POMT2: variants seen among roughly 807,000 people sequenced by gnomAD.
POMT2 encodes the protein protein O-mannosyl-transferase 2.
A neutral mutation model predicts 100.0 loss-of-function variants in POMT2; 75 were observed. The ratio of observed to expected loss-of-function variants is 0.75; its 90% CI spans 0.62 to 0.91. The LOEUF (loss-of-function observed/expected upper bound fraction) is 0.91, where lower values mean the gene tolerates loss of function less well. POMT2 is among the 40% of genes least tolerant of loss of function. The pLI is 0.00. For synonymous variants in POMT2, 378 were observed against 374.1 expected, an observed-to-expected ratio of 1.01 and a Z score of -0.12; for missense variants, 940 against 955.1, an observed-to-expected ratio of 0.98 and a Z score of 0.21.
In POMT2 at chr14:77,285,505, G is replaced by A. The variant is rs1890391387; in HGVS notation, c.1460C>T (p.Ser487Phe). The A allele has an allele frequency of 6.2e-7, 1 of 1,614,108 alleles. No homozygotes were observed. The highest frequency in any genetic ancestry group is 8.5e-7 in the Non-Finnish European group (1 of 1,180,018). Residue 487 changes from serine (S) to phenylalanine (F), a missense_variant, in exon 13 of 21, where the codon TCC becomes TTC. By Grantham distance (155) the Ser-to-Phe change is radical. Transcript: ENST00000261534. ...CCACTTGGGCAGAACCTTTCCCGAG[G>A]AGCCCAGGACACAACCTGTGACCAA... The part of the protein sequence containing the change: ...IHLVTGCVLG[S>F]SGKVLPKWGW...
At chr14:77,316,689 A>G (rs1891644194) in intron 1 of POMT2, among the ~76,000 whole-genome samples, 3 of 151,998 alleles carry the variant, frequency 2.0e-5, no homozygotes, top group Admixed American at 2.0e-4. Context: ...CCTGAAGCCG[A>G]GCTGCTGTTC....
At chr14:77,310,187 CAG>C (rs1409836369) in intron 2 of POMT2, among the ~76,000 whole-genome samples, 4 of 152,228 alleles carry the variant, frequency 2.6e-5, no homozygotes, top group Non-Finnish European at 4.4e-5. Flanking sequence ...ATGGTAGTAA[CAG>C]ATGTAGTCTG....
chr14:77,287,692 G>C (rs1476818817), intron 11 of POMT2: 1 of 151,980 alleles, frequency 6.6e-6, no homozygotes, highest in Non-Finnish European at 1.5e-5. Flanking sequence ...CTATTTCCTT[G>C]TGTGCTTTGT....
At chr14:77,318,996 A>G (rs1891729001) in intron 1 of POMT2, among the ~76,000 whole-genome samples, 1 of 152,160 alleles carries the variant, frequency 6.6e-6, no homozygotes, top group African/African-American at 2.4e-5. Flanking sequence ...TCGGCCTCCC[A>G]AACTGCCGGG....
chr14:77,287,510 C>CTG (rs1425013907), intron 11 of POMT2: 1 of 104,678 alleles, frequency 9.6e-6, no homozygotes, highest in Non-Finnish European at 1.8e-5. Flanking sequence ...GCTTCTCTCT[C>CTG]TGTCTCTGTC....
chr14:77,291,462 C>G, intron 9 of POMT2, 82 bp from the exon 10 acceptor site: 1 of 1,546,546 alleles, frequency 6.5e-7, no homozygotes, highest in Non-Finnish European at 8.8e-7. Context: ...CAAGGACAAT[C>G]AACCTCAAAC....
intron 15 of POMT2, among the ~76,000 whole-genome samples, chr14:77,283,075 C>T (rs1358548836): frequency 6.6e-6 from 1 of 152,222 alleles, no homozygotes; most frequent in Non-Finnish European, 1.5e-5. Context: ...TTTGATGCTA[C>T]AACTGCTGTC....
chr14:77,279,521 C>T (rs550541639), intron 18 of POMT2: 1 of 542,702 alleles, frequency 1.8e-6, no homozygotes, highest in South Asian at 1.5e-5. Context: ...GTTTGAGCCT[C>T]AGCTCTATCA....
chr14:77,296,302 G>A (rs1384144344), intron 8 of POMT2, 29 bp from the exon 9 acceptor site: 15 of 1,498,932 alleles, frequency 1.0e-5, no homozygotes, highest in Non-Finnish European at 1.2e-5. Flanking sequence ...GCAGAGGGGT[G>A]AGCTGGCACA....
chr14:77,320,865 A>G lies in POMT2; in HGVS notation c.-184T>C. ...CAGCGTGGTCGCGGCCCGGGCCGCT[A>G]GGAGGCGGCAGGAGGCGCAGAGCAT... is the stretch of plus-strand genomic sequence containing the variant. On this transcript the variant is annotated 5_prime_UTR_variant, in exon 1 of 21. Transcript: ENST00000261534. 1 of 1,043,868 alleles carries G rather than the reference A, an allele frequency of 9.6e-7. No individual in the cohort carries two copies. Among genetic ancestry groups the G allele is most frequent in the South Asian group, 2.1e-5 (1 of 47,894 alleles). 64.7% of individuals were successfully genotyped at this position (1,043,868 alleles called of 1,614,324 possible).
rs1307513608 is a variant in POMT2 at position 77,278,473 on chromosome 14, A to G, written c.2068T>C (p.Trp690Arg). ...GCCAGGGGCCATGAGGCCAAGCCCC[A>G]GGCACAGAGCCGCAGGAGGGTGTCC... ...LWDTLLRLCAWGLASWPLARG... is the reference protein window; with the variant it reads ...LWDTLLRLCARGLASWPLARG... The change falls in exon 20 of 21, where the codon TGG becomes CGG. Residue 690 changes from tryptophan (W) to arginine (R), a missense_variant. Physicochemically the swap from Trp to Arg is moderately radical, Grantham distance 101 (BLOSUM62 -3). Coordinates refer to ENST00000261534, the MANE Select transcript of POMT2 (RefSeq NM_013382.7). 8.0e-6 allele frequency: 12 copies of G among 1,502,590 alleles called. No individual in the cohort carries two copies. Among genetic ancestry groups the G allele is most frequent in the Non-Finnish European group, 1.1e-5 (12 of 1,102,814 alleles). 93.1% of individuals were successfully genotyped at this position (1,502,590 alleles called of 1,614,324 possible). A position where few individuals can be genotyped will look rare whatever the true frequency, so the allele number is the denominator to read the frequency against.
intron 10 of POMT2, among the ~76,000 whole-genome samples, chr14:77,289,659 C>T (rs1594787842): frequency 6.6e-6 from 1 of 152,290 alleles, no homozygotes; most frequent in South Asian, 2.1e-4. Flanking sequence ...GCCCAACTCT[C>T]CTCAAAATCA....
intron 10 of POMT2, 147 bp from the exon 11 acceptor site, chr14:77,288,978 A>G (rs2140196091): frequency 1.4e-6 from 1 of 719,886 alleles, no homozygotes; most frequent in Non-Finnish European, 2.5e-6. Context: ...AAAGACCCCT[A>G]AATTGCTTCA....
Position 77,288,771 on chromosome 14 carries a change from T to C in POMT2, c.1244A>G (p.Glu415Gly). ...CTGCAAATTGACTTACTCTTTGTGT[T>C]CTAGTCGAATAATGTCTCCATGTCT... ...FVRHGDIIRL[E>G]HKETSRNLHS... Residue 415 changes from glutamate (E) to glycine (G), a missense_variant, in exon 11 of 21, where the codon GAA becomes GGA. Glu to Gly is a moderately conservative substitution (Grantham distance 98, BLOSUM62 -2). Coordinates refer to ENST00000261534, the MANE Select transcript of POMT2 (RefSeq NM_013382.7). The C allele has an allele frequency of 6.2e-7, 1 of 1,613,848 alleles. No individual in the cohort carries two copies. Among genetic ancestry groups the C allele is most frequent in the Non-Finnish European group, 8.5e-7 (1 of 1,179,818 alleles).
rs1269099591 is a variant in POMT2, at chr14:77,308,728, T to C, written c.334-2287A>G. 3 of 451,670 alleles carry C rather than the reference T, an allele frequency of 6.6e-6. No individual in the cohort carries two copies. The Admixed American group carries it at 7.4e-5, about 11-fold the overall frequency. The allele number at this position is 451,670 out of a possible 1,614,324, so 28.0% of individuals were successfully genotyped here. On this transcript the variant is annotated intron_variant, in intron 2 of 20. Transcript: ENST00000261534. Reference sequence around the variant, plus strand: ...GGAAGAAAGCACTGTCATACACTGTTGGTGGGAGTATATATGATTACAACA... The same window carrying C: ...GGAAGAAAGCACTGTCATACACTGTCGGTGGGAGTATATATGATTACAACA...
At chr14:77,283,977 C>G (rs576785388) in intron 14 of POMT2, 104 bp from the exon 15 acceptor site, 7 of 983,610 alleles carry the variant, frequency 7.1e-6, no homozygotes, top group South Asian at 6.6e-5. Context: ...GCCTTGCTGA[C>G]AAGTTCACAA....
chr14:77,288,868 C>G, intron 10 of POMT2, 37 bp from the exon 11 acceptor site: 1 of 1,576,872 alleles, frequency 6.3e-7, no homozygotes, highest in Non-Finnish European at 8.7e-7. Context: ...TCCAAAATCA[C>G]TCACCAGGCT....
At position 77,296,546 on chromosome 14, in the gene POMT2, C is replaced by T. The variant is rs541404496; in HGVS notation, c.1007-273G>A. ...AAGCACTACGTGTAACAGCAAAAGA[C>T]GAAAAACAACTTGTCCTTCTCAAGG... On this transcript the variant is annotated intron_variant, in intron 8 of 20. Coordinates refer to ENST00000261534, the MANE Select transcript of POMT2 (RefSeq NM_013382.7). 230 of 465,270 alleles carry T rather than the reference C, an allele frequency of 4.9e-4. No individual in the cohort carries two copies. In the Middle Eastern group the frequency reaches 8.2e-3, roughly 17 times the overall value. The allele number at this position is 465,270 out of a possible 1,614,324, so 28.8% of individuals were successfully genotyped here. A position where few individuals can be genotyped will look rare whatever the true frequency, so the allele number is the denominator to read the frequency against.
intron 8 of POMT2, 73 bp downstream of exon 8, chr14:77,298,616 A>C: frequency 6.6e-7 from 1 of 1,511,056 alleles, no homozygotes; most frequent in Non-Finnish European, 9.1e-7. Flanking sequence ...AAGCCATCAT[A>C]TTTGTCTTTT....
Sources: allele counts gnomAD v4.1 joint callset (sites outside exome capture counted in the v4.1 genomes callset), GRCh38; gene constraint gnomAD v4.1.1; transcripts MANE v1.5; gene names NCBI Gene and HGNC (gene_info 2026-07-23, HGNC 2026-07-21).